The following GLI3 variants were observed in gnomAD, a reference collection of about 807,000 sequenced individuals.
GLI3 encodes the protein transcription activator GLI3.
A neutral mutation model predicts 100.8 loss-of-function variants in GLI3; 20 were observed. That is an observed-to-expected ratio of 0.20 (90% CI 0.14 to 0.29). The LOEUF is 0.29. Among genes scored for constraint, GLI3 ranks in the 10% least tolerant of loss-of-function variants. GLI3 has a pLI of 1.00. For synonymous variants in GLI3, 938 were observed against 860.5 expected (o/e 1.09, Z -1.58); for missense variants, 2,040 against 2,128.5 (o/e 0.96, Z 0.82).
intron 2 of GLI3, among the ~76,000 whole-genome samples, chr7:42,187,265 G>A (rs1787735444): frequency 6.6e-6 from 1 of 150,660 alleles, no homozygotes; most frequent in South Asian, 2.1e-4. Flanking sequence ...ATTTTAAAAC[G>A]CTATTCACCC....
chr7:42,144,381 C>A (rs1786650426), intron 3 of GLI3, among the ~76,000 whole-genome samples: 1 of 152,156 alleles, frequency 6.6e-6, no homozygotes, highest in South Asian at 2.1e-4. Context: ...CACGCCATGT[C>A]TGAGTCATGC....
chr7:42,159,885 C>G (rs1408779588), intron 2 of GLI3, among the ~76,000 whole-genome samples: 2 of 152,134 alleles, frequency 1.3e-5, no homozygotes, highest in African/African-American at 4.8e-5. Flanking sequence ...GGAACCATGG[C>G]AGGATGTTAT....
intron 3 of GLI3, among the ~76,000 whole-genome samples, chr7:42,144,404 T>C (rs1443828602): frequency 6.6e-6 from 1 of 152,180 alleles, no homozygotes; most frequent in East Asian, 1.9e-4. Context: ...CTAAAACGTC[T>C]ACTTTTGCGC....
intron 10 of GLI3, among the ~76,000 whole-genome samples, chr7:42,006,701 C>G (rs2128723837): frequency 6.6e-6 from 1 of 152,126 alleles, no homozygotes; most frequent in Non-Finnish European, 1.5e-5. Flanking sequence ...TCCAGGGAAA[C>G]ATGGATAACT....
chr7:42,024,245 A>T (rs182804274), intron 9 of GLI3, among the ~76,000 whole-genome samples: 102 of 152,380 alleles, frequency 6.7e-4, no homozygotes, highest in African/African-American at 2.3e-3. Flanking sequence ...TCAGGGGCAC[A>T]GTCCTTCCTA....
rs147439013 is a variant in GLI3, at chr7:42,174,146, G to A, written c.125-25678C>T. Among the ~76,000 whole-genome samples, 3 of 152,026 alleles carry A rather than the reference G, an allele frequency of 2.0e-5. No individual in the cohort carries two copies. In the East Asian group the frequency reaches 5.8e-4, roughly 29 times the overall value. ...CAAGCCATTTATAGTTAAAATACTA[G>A]ATAAAACATAAATGTTATAATTGAG... On this transcript the variant is annotated intron_variant, in intron 2 of 14. Transcript: ENST00000395925.
chr7:42,181,832 G>GTAAATA (rs1458663740), intron 2 of GLI3, among the ~76,000 whole-genome samples: 1 of 152,144 alleles, frequency 6.6e-6, no homozygotes, highest in African/African-American at 2.4e-5. Flanking sequence ...ATACATCTTG[G>GTAAATA]TAAATAACAT....
In GLI3 at chr7:41,965,553, A is replaced by G. The variant is rs369483231; in HGVS notation, c.3520T>C (p.Ser1174Pro). The change falls in exon 15 of 15, where the codon TCC becomes CCC. Residue 1174 changes from serine (S) to proline (P), a missense_variant. This residue lies in a region of GLI3 where 1,041 missense variants were observed against 924.0 expected (regional missense o/e 1.13). Coordinates refer to ENST00000395925, the MANE Select transcript of GLI3 (RefSeq NM_000168.6). ...CGCGGCCCACACTTGAGCTTGGAGG[A>G]GGACAGGTCGGCGCTTCCGGAGCTG... ...EVSSGSADLS[S>P]SKLKCGPRPA... 2.5e-5 allele frequency: 40 copies of G among 1,604,858 alleles called. No homozygotes were observed. The highest frequency in any genetic ancestry group is 3.4e-5 in the Non-Finnish European group (40 of 1,172,858).
At chr7:42,131,742 A>C (rs559487932) in intron 3 of GLI3, among the ~76,000 whole-genome samples, 1 of 152,336 alleles carries the variant, frequency 6.6e-6, no homozygotes, top group Non-Finnish European at 1.5e-5. Context: ...TTGCTATGAA[A>C]AGCTGATGAG....
At chr7:42,258,889 G>A (rs893765503) in intron 1 of GLI3, among the ~76,000 whole-genome samples, 25 of 152,282 alleles carry the variant, frequency 1.6e-4, no homozygotes, top group African/African-American at 5.3e-4. Context: ...TTGGCCCATA[G>A]CATTATCTTT....
intron 1 of GLI3, among the ~76,000 whole-genome samples, chr7:42,246,085 A>T (rs1236522299): frequency 6.6e-6 from 1 of 152,134 alleles, no homozygotes; most frequent in Non-Finnish European, 1.5e-5. Context: ...GAAACTCTGA[A>T]AAACCACTGT....
rs569520607 is a variant in GLI3 at position 42,151,858 on chromosome 7, G to A, written c.125-3390C>T. 3.3e-5 allele frequency: 5 copies of A among 151,550 alleles called. No individual in the cohort carries two copies. The South Asian group carries it at 1.0e-3, about 32-fold the overall frequency. The allele number at this position is 151,550 out of a possible 1,614,324, so 9.4% of individuals were successfully genotyped here. A position where few individuals can be genotyped will look rare whatever the true frequency, so the allele number is the denominator to read the frequency against. The stretch of plus-strand genomic sequence containing the variant: ...CCAGAATTTCCAAACTCATCCAAAA[G>A]CAAGTGACATCAAGTCAGATATTCT... On this transcript the variant is annotated intron_variant, in intron 2 of 14. Transcript: ENST00000395925.
intron 10 of GLI3, among the ~76,000 whole-genome samples, chr7:42,008,918 A>G (rs1329398956): frequency 1.3e-5 from 2 of 152,182 alleles, no homozygotes; most frequent in African/African-American, 4.8e-5. Flanking sequence ...ATCTCTGAGG[A>G]TCCTGATTCA....
At chr7:42,203,205 T>G (rs1175464985) in intron 2 of GLI3, among the ~76,000 whole-genome samples, 2 of 152,270 alleles carry the variant, frequency 1.3e-5, no homozygotes, top group Non-Finnish European at 2.9e-5. Flanking sequence ...TTAATTAGAA[T>G]GTGCATTACC....
intron 4 of GLI3, among the ~76,000 whole-genome samples, chr7:42,064,988 G>A (rs1382153580): frequency 6.6e-6 from 1 of 152,028 alleles, no homozygotes; most frequent in Non-Finnish European, 1.5e-5. Context: ...GGCCCAGCAA[G>A]AAAAGAAGAG....
At chr7:42,016,857 A>G (rs1788780352) in intron 10 of GLI3, among the ~76,000 whole-genome samples, 1 of 152,318 alleles carries the variant, frequency 6.6e-6, no homozygotes, top group South Asian at 2.1e-4. Context: ...CTCAGCCCAT[A>G]GAGTCGCAAT....
rs1787286989 is a variant in GLI3, at chr7:41,968,760, GAAGGAAA to G, written c.2104-844_2104-838del. 2.3e-3 allele frequency among the ~76,000 whole-genome samples: 182 copies of G among 78,658 alleles called. 1 individual carries two copies. Among genetic ancestry groups the G allele is most frequent in the Middle Eastern group, 0.014 (2 of 144 alleles). 51.6% of individuals were successfully genotyped at this position (78,658 alleles called of 152,430 possible). ...AGAAAGAAAGAAAGAAAGAAAGAAA[GAAGGAAA>G]GAAAGAAAGAAAGAAAGAAAGAAAG... is the stretch of plus-strand genomic sequence containing the variant. On this transcript the variant is annotated intron_variant, in intron 13 of 14. Transcript: ENST00000395925.
At chr7:42,193,683 AATATTACCT>A (rs1183854337) in intron 2 of GLI3, among the ~76,000 whole-genome samples, 3 of 152,150 alleles carry the variant, frequency 2.0e-5, no homozygotes, top group African/African-American at 7.2e-5. Context: ...TTTTTAACTC[AATATTACCT>A]GTGGTTTTCT....
intron 2 of GLI3, chr7:42,172,429 T>G (rs1787392916): frequency 1.6e-6 from 1 of 623,954 alleles, no homozygotes; most frequent in Admixed American, 2.5e-5. Flanking sequence ...AAAAGCAGAA[T>G]TAGATAGTAA....
Sources: gnomAD v4.1 joint callset for allele counts (sites outside exome capture counted in the v4.1 genomes callset) on GRCh38, gnomAD v4.1.1 for gene constraint, gnomAD v4.1.1 regional missense constraint, MANE v1.5 for transcripts, NCBI Gene and HGNC (gene_info 2026-07-23, HGNC 2026-07-21) for gene names.